Variants in GNAO1 observed in about 807,000 individuals in gnomAD.
GNAO1 encodes G protein subunit alpha o1.
For synonymous variants in GNAO1, 164 were observed against 180.7 expected, an observed-to-expected ratio of 0.91 and a Z score of 0.74; for missense variants, 166 against 478.7, an observed-to-expected ratio of 0.35 and a Z score of 6.10.
chr16:56,269,426 C>T lies in GNAO1; in HGVS notation c.162-6505C>T, dbSNP rs141086151. 5.6e-3 allele frequency among the ~76,000 whole-genome samples: 846 copies of T among 152,284 alleles called. 11 individuals are homozygous for T. Among genetic ancestry groups the T allele is most frequent in the African/African-American group, 0.019 (779 of 41,554 alleles). On this transcript the variant is annotated intron_variant, in intron 2 of 8. Coordinates refer to ENST00000262493, the MANE Select transcript of GNAO1 (RefSeq NM_020988.3). Reference sequence around the variant, plus strand: ...GCCTGACTGACTGCACGTTCTCCCCCGTCCCTCGTACCAAGTATGGCAACA... The same window carrying T: ...GCCTGACTGACTGCACGTTCTCCCCTGTCCCTCGTACCAAGTATGGCAACA...
At chr16:56,220,738 TTTG>T (rs55730508) in intron 2 of GNAO1, among the ~76,000 whole-genome samples, 19 of 151,316 alleles carry the variant, frequency 1.3e-4, no homozygotes, top group African/African-American at 3.2e-4. Flanking sequence ...GCGTGGGTTT[TTTG>T]TTGTTGTTGT....
chr16:56,251,578 A>G (rs560300786), intron 2 of GNAO1, among the ~76,000 whole-genome samples: 96 of 152,284 alleles, frequency 6.3e-4, no homozygotes, highest in African/African-American at 2.3e-3. Context: ...CAGGTGGTCA[A>G]GTGCACATTG....
chr16:56,269,890 C>T (rs1450881505), intron 2 of GNAO1, among the ~76,000 whole-genome samples: 1 of 152,120 alleles, frequency 6.6e-6, no homozygotes, highest in Non-Finnish European at 1.5e-5. Flanking sequence ...AGATGAGCCT[C>T]CAAGGTCCCT....
At chr16:56,343,904 C>T (rs200947037) in intron 6 of GNAO1, 86 of 1,614,034 alleles carry the variant, frequency 5.3e-5, no homozygotes, top group Admixed American at 2.3e-4. Flanking sequence ...GATGCTGTGA[C>T]GGACGTCATC....
intron 3 of GNAO1, among the ~76,000 whole-genome samples, chr16:56,285,577 C>T (rs1268873547): frequency 6.6e-6 from 1 of 152,200 alleles, no homozygotes; most frequent in Admixed American, 6.5e-5. Flanking sequence ...GAGGGGCCTG[C>T]CTGGCCAGTG....
chr16:56,326,823 G>A lies in GNAO1; in HGVS notation c.304-1808G>A, dbSNP rs764500457. Reference sequence around the variant, plus strand: ...ACCTACTCTGCGTTGGACATTAAAGGCTGTGGCTGCCTCAGACGGAGCACA... The same window carrying A: ...ACCTACTCTGCGTTGGACATTAAAGACTGTGGCTGCCTCAGACGGAGCACA... On this transcript the variant is annotated intron_variant, in intron 3 of 8. Transcript: ENST00000262493. This position sits in a 1 kb window ranked among gnomAD's most constrained non-coding sequence, Gnocchi z 4.8. Among the ~76,000 whole-genome samples, 35 of 152,218 alleles carry A rather than the reference G, an allele frequency of 2.3e-4. No homozygotes were observed. Among genetic ancestry groups the A allele is most frequent in the Non-Finnish European group, 4.4e-4 (30 of 68,040 alleles).
chr16:56,256,858 A>T (rs1722097512), intron 2 of GNAO1, among the ~76,000 whole-genome samples: 1 of 151,946 alleles, frequency 6.6e-6, no homozygotes, highest in South Asian at 2.1e-4. Flanking sequence ...TAGACACTGG[A>T]CTAGCTTCCA....
intron 2 of GNAO1, among the ~76,000 whole-genome samples, chr16:56,215,344 A>T (rs1171783128): frequency 6.6e-6 from 1 of 152,218 alleles, no homozygotes; most frequent in Non-Finnish European, 1.5e-5. Context: ...AAACACACAC[A>T]TGCACTACTA....
At position 56,326,766 on chromosome 16, in the gene GNAO1, G is replaced by A. The variant is rs1398706255; in HGVS notation, c.304-1865G>A. ...GTGAGCTCCATGGGCAGAGGCAGGA[G>A]GGCGGCCCGGGGCAGCACCTGCTCT... On this transcript the variant is annotated intron_variant, in intron 3 of 8. Transcript: ENST00000262493. The surrounding 1 kb of genome is among the most constrained non-coding windows in gnomAD (Gnocchi z 4.8). 2.0e-5 allele frequency among the ~76,000 whole-genome samples: 3 copies of A among 152,250 alleles called. No homozygotes were observed. The highest frequency in any genetic ancestry group is 7.2e-5 in the African/African-American group (3 of 41,460).
At chr16:56,206,193 G>A (rs1019615865) in intron 2 of GNAO1, among the ~76,000 whole-genome samples, 7 of 151,960 alleles carry the variant, frequency 4.6e-5, no homozygotes, top group Non-Finnish European at 1.0e-4. Flanking sequence ...GGTGGTGGGC[G>A]ACTGTAGTCA....
In GNAO1 at chr16:56,276,049, G is replaced by A. The variant is rs2037058679; in HGVS notation, c.280G>A (p.Glu94Lys). 1.9e-6 allele frequency: 3 copies of A among 1,613,966 alleles called. No homozygotes were observed. The highest frequency in any genetic ancestry group is 2.2e-5 in the East Asian group (1 of 44,886). ...CCGGGCCATGGACACTTTGGGCATC[G>A]AATATGGTGATAAGGAGAGAAAGGT... The part of the protein sequence containing the change: ...IVRAMDTLGI[E>K]YGDKERKADA... Residue 94 changes from glutamate to lysine, a missense_variant, in exon 3 of 9, where the codon GAA (glutamate) becomes AAA (lysine). Glu to Lys is a moderately conservative substitution (Grantham distance 56). Transcript: ENST00000262493.
intron 2 of GNAO1, among the ~76,000 whole-genome samples, chr16:56,255,100 C>T (rs1444335263): frequency 6.6e-6 from 1 of 152,152 alleles, no homozygotes; most frequent in East Asian, 1.9e-4. Flanking sequence ...ATATTTTTAG[C>T]TTTGAGCTGT....
chr16:56,321,381 T>A (rs1343425192), intron 3 of GNAO1, among the ~76,000 whole-genome samples: 3 of 152,290 alleles, frequency 2.0e-5, no homozygotes, highest in Admixed American at 6.5e-5. Flanking sequence ...CAGCTCTGCT[T>A]TCCTCAGTGT....
chr16:56,294,341 T>TAGAAAAAA (rs1555505146), intron 3 of GNAO1, among the ~76,000 whole-genome samples: 1 of 133,640 alleles, frequency 7.5e-6, no homozygotes. Flanking sequence ...GGCTTTGCTT[T>TAGAAAAAA]AAAAAAAAAA....
chr16:56,285,261 G>A (rs1347258858), intron 3 of GNAO1, among the ~76,000 whole-genome samples: 5 of 123,870 alleles, frequency 4.0e-5, no homozygotes, highest in Admixed American at 2.7e-4. Flanking sequence ...GCCCCCCACC[G>A]CCACCATAAG....
At chr16:56,192,695 C>T in intron 2 of GNAO1, 79 bp downstream of exon 2, 3 of 845,556 alleles carry the variant, frequency 3.5e-6, no homozygotes, top group South Asian at 2.7e-5. Context: ...GCTTACTCCA[C>T]ATTGCTCTCC....
At chr16:56,265,335 G>A (rs1427621056) in intron 2 of GNAO1, among the ~76,000 whole-genome samples, 1 of 152,228 alleles carries the variant, frequency 6.6e-6, no homozygotes, top group Non-Finnish European at 1.5e-5. Flanking sequence ...TCTTATGCAT[G>A]TCCACAGCTC....
intron 2 of GNAO1, among the ~76,000 whole-genome samples, chr16:56,269,812 A>G (rs1319352552): frequency 6.6e-6 from 1 of 152,182 alleles, no homozygotes; most frequent in Non-Finnish European, 1.5e-5. Context: ...GGGAAACTGT[A>G]TGTGTTGGTA....
intron 3 of GNAO1, chr16:56,302,669 A>C (rs903167934): frequency 6.6e-6 from 1 of 152,216 alleles, no homozygotes; most frequent in African/African-American, 2.4e-5. Context: ...ACCCTACATG[A>C]CTGGGGGTCA....
Sources: gnomAD v4.1 joint callset for allele counts (sites outside exome capture counted in the v4.1 genomes callset) on GRCh38, gnomAD v4.1.1 for gene constraint, Gnocchi (gnomAD v3.1) non-coding constraint, MANE v1.5 for transcripts, NCBI Gene and HGNC (gene_info 2026-07-23, HGNC 2026-07-21) for gene names.